The following ELMO1 variants were observed in gnomAD, a reference collection of about 807,000 sequenced individuals.
ELMO1 encodes engulfment and cell motility 1.
A neutral mutation model predicts 98.9 loss-of-function variants in ELMO1; 26 were observed. The observed-to-expected ratio is 0.26, with a 90% CI of 0.19 to 0.36. The LOEUF is 0.36. ELMO1 is among the 10% of genes least tolerant of loss of function. The probability of loss-of-function intolerance (pLI) is 1.00; values close to 1 mark genes in which losing one functional copy is unlikely to be tolerated. For missense variants in ELMO1, 627 were observed against 935.2 expected (o/e 0.67, Z 4.30); for synonymous variants, 346 against 346.0 (o/e 1.00, Z 0.00).
intron 13 of ELMO1, among the ~76,000 whole-genome samples, chr7:37,192,966 AGGAG>A (rs1791710450): frequency 9.4e-6 from 1 of 106,828 alleles, no homozygotes; most frequent in Non-Finnish European, 1.9e-5. Flanking sequence ...TTATATATAT[AGGAG>A]ATATATATAT....
chr7:36,928,566 C>T (rs1373904537), intron 16 of ELMO1, among the ~76,000 whole-genome samples: 6 of 152,128 alleles, frequency 3.9e-5, no homozygotes, highest in East Asian at 1.9e-4. Flanking sequence ...TCAGGGGCAG[C>T]GACACCCTGC....
chr7:37,128,192 TAAAC>T (rs139224349), intron 14 of ELMO1, among the ~76,000 whole-genome samples: 6,479 of 151,936 alleles, frequency 0.043, 382 homozygotes, highest in African/African-American at 0.13. Context: ...GACTGTATCT[TAAAC>T]AAACAAACAA....
chr7:36,868,694 A>G (rs1183696953), intron 20 of ELMO1, among the ~76,000 whole-genome samples: 1 of 152,094 alleles, frequency 6.6e-6, no homozygotes, highest in Non-Finnish European at 1.5e-5. Flanking sequence ...CAAGCTCTTT[A>G]TATGTTGGGG....
chr7:37,191,188 C>CAAAAAAA (rs70975003), intron 13 of ELMO1, among the ~76,000 whole-genome samples: 1 of 94,114 alleles, frequency 1.1e-5, no homozygotes, highest in Non-Finnish European at 2.0e-5. Context: ...GACTCTGTCT[C>CAAAAAAA]AAAAAAAAAA....
chr7:37,236,649 G>A (rs937325748), intron 7 of ELMO1, among the ~76,000 whole-genome samples: 2 of 151,874 alleles, frequency 1.3e-5, no homozygotes, highest in Non-Finnish European at 2.9e-5. Context: ...TATTCATTAG[G>A]ACCGGTTGCT....
intron 1 of ELMO1, among the ~76,000 whole-genome samples, chr7:37,383,192 T>C (rs1802648131): frequency 6.6e-6 from 1 of 152,252 alleles, no homozygotes; most frequent in African/African-American, 2.4e-5. Context: ...TTTGCTTCCC[T>C]GGACTAAAAG....
chr7:37,028,159 T>C (rs1794683092), intron 15 of ELMO1, among the ~76,000 whole-genome samples: 1 of 152,146 alleles, frequency 6.6e-6, no homozygotes, highest in African/African-American at 2.4e-5. Flanking sequence ...TAAAGGATCT[T>C]GCCCAGACTC....
At chr7:37,067,334 T>C (rs777149592) in intron 15 of ELMO1, among the ~76,000 whole-genome samples, 2 of 152,210 alleles carry the variant, frequency 1.3e-5, no homozygotes, top group African/African-American at 2.4e-5. Flanking sequence ...ACATATGTGC[T>C]GAGCATCTCA....
At chr7:37,277,797 C>T (rs983370882) in intron 4 of ELMO1, among the ~76,000 whole-genome samples, 7 of 152,214 alleles carry the variant, frequency 4.6e-5, no homozygotes, top group African/African-American at 1.7e-4. Flanking sequence ...AGAACGCACA[C>T]CTTCCAATGT....
intron 18 of ELMO1, among the ~76,000 whole-genome samples, chr7:36,881,088 T>C (rs554073253): frequency 1.3e-5 from 2 of 152,338 alleles, no homozygotes; most frequent in South Asian, 4.1e-4. Flanking sequence ...ATAAGTGATG[T>C]GTTCCACTCC....
intron 16 of ELMO1, among the ~76,000 whole-genome samples, chr7:36,924,513 G>C (rs950578171): frequency 1.3e-5 from 2 of 152,174 alleles, no homozygotes; most frequent in African/African-American, 4.8e-5. Flanking sequence ...TCTTAGCACT[G>C]CCTTTAAAAA....
intron 8 of ELMO1, among the ~76,000 whole-genome samples, chr7:37,226,283 C>A (rs576228178): frequency 2.0e-5 from 3 of 152,254 alleles, no homozygotes; most frequent in Admixed American, 1.3e-4. Context: ...TTTTCAGGTT[C>A]TCAAAAGACT....
chr7:36,887,313 C>T (rs1259029486), intron 18 of ELMO1, among the ~76,000 whole-genome samples: 2 of 152,176 alleles, frequency 1.3e-5, no homozygotes, highest in African/African-American at 4.8e-5. Flanking sequence ...GTTGACACCA[C>T]CACTAGCAGT....
At chr7:36,900,942 G>T (rs191087632) in intron 16 of ELMO1, among the ~76,000 whole-genome samples, 6 of 152,324 alleles carry the variant, frequency 3.9e-5, no homozygotes, top group Admixed American at 1.3e-4. Context: ...GGGTCTGGGG[G>T]AAGAAGACCC....
intron 4 of ELMO1, among the ~76,000 whole-genome samples, chr7:37,294,950 C>T (rs1250936564): frequency 1.3e-5 from 2 of 150,782 alleles, no homozygotes; most frequent in Non-Finnish European, 2.9e-5. Context: ...CAATGAGCCA[C>T]AATCCGCCAT....
intron 7 of ELMO1, among the ~76,000 whole-genome samples, chr7:37,233,752 G>A (rs377085342): frequency 6.6e-6 from 1 of 152,132 alleles, no homozygotes; most frequent in South Asian, 2.1e-4. Flanking sequence ...ACATCCCTCT[G>A]TGTGGACACA....
intron 7 of ELMO1, among the ~76,000 whole-genome samples, chr7:37,238,429 T>C (rs538018417): frequency 6.6e-6 from 1 of 152,208 alleles, no homozygotes; most frequent in African/African-American, 2.4e-5. Context: ...CCTTGCTAAA[T>C]TCAATTATAT....
intron 15 of ELMO1, among the ~76,000 whole-genome samples, chr7:37,060,579 C>A (rs1796615546): frequency 6.6e-6 from 1 of 152,078 alleles, no homozygotes. Flanking sequence ...CACTGGTACA[C>A]CAAGTCCCAG....
intron 10 of ELMO1, among the ~76,000 whole-genome samples, chr7:37,220,822 G>A (rs1793550936): frequency 6.6e-6 from 1 of 152,108 alleles, no homozygotes. Context: ...CACAGATGGG[G>A]AAAGGAAACT....
Sources: gnomAD v4.1 joint callset for allele counts (sites outside exome capture counted in the v4.1 genomes callset) on GRCh38, gnomAD v4.1.1 for gene constraint, MANE v1.5 for transcripts, NCBI Gene and HGNC (gene_info 2026-07-23, HGNC 2026-07-21) for gene names.